The following HIKESHI variants were observed in gnomAD, a reference collection of about 807,000 sequenced individuals.
The protein encoded by HIKESHI is heat shock protein nuclear import factor hikeshi.
A neutral mutation model predicts 25.7 loss-of-function variants in HIKESHI; 13 were observed. That is an observed-to-expected ratio of 0.51 (90% CI 0.33 to 0.80). The LOEUF is 0.80. Ranked by LOEUF, HIKESHI falls within the 30% of genes least tolerant of loss-of-function variation. The pLI is 0.02. For missense variants in HIKESHI, 174 were observed against 229.5 expected (o/e 0.76, Z 1.56); for synonymous variants, 76 against 78.7 (o/e 0.97, Z 0.18).
rs576163845 is a variant in HIKESHI, at chr11:86,319,823, T to TG, written c.268+13343dup. Among the ~76,000 whole-genome samples the TG allele has an allele frequency of 1.7e-3, 263 of 152,268 alleles. 1 individual carries two copies. The highest frequency in any genetic ancestry group is 6.3e-3 in the African/African-American group (260 of 41,560). On this transcript the variant is annotated intron_variant, in intron 2 of 4. Coordinates refer to ENST00000278483, the MANE Select transcript of HIKESHI (RefSeq NM_016401.4). ...GTTTTGGCAGGATTCTTATAGGTGGTGGTGTGTTTTTCCACCAGGAAGTAC... is the reference window on the plus strand; with the variant it reads ...GTTTTGGCAGGATTCTTATAGGTGGTGGGTGTGTTTTTCCACCAGGAAGTAC...
intron 2 of HIKESHI, among the ~76,000 whole-genome samples, chr11:86,321,672 G>C (rs887734181): frequency 6.6e-6 from 1 of 152,036 alleles, no homozygotes; most frequent in African/African-American, 2.4e-5. Context: ...TGGAATTATA[G>C]GCACCCGCCA....
intron 2 of HIKESHI, among the ~76,000 whole-genome samples, chr11:86,328,539 G>C (rs1326597077): frequency 6.6e-6 from 1 of 151,616 alleles, no homozygotes; most frequent in African/African-American, 2.4e-5. Flanking sequence ...CTGCCTCCCA[G>C]GTTCAAGCAA....
intron 4 of HIKESHI, 172 bp downstream of exon 4, chr11:86,344,893 C>T (rs1234785689): frequency 3.9e-6 from 2 of 517,682 alleles, no homozygotes; most frequent in African/African-American, 2.0e-5. Flanking sequence ...AGTTCTTACC[C>T]TAAATATTTT....
chr11:86,316,301 C>T (rs1946976131), intron 2 of HIKESHI, among the ~76,000 whole-genome samples: 1 of 150,896 alleles, frequency 6.6e-6, no homozygotes, highest in African/African-American at 2.4e-5. Context: ...ACTTTAAGGT[C>T]AGAAGTTCAA....
chr11:86,314,612 T>G (rs941540233), intron 2 of HIKESHI, among the ~76,000 whole-genome samples: 2 of 151,832 alleles, frequency 1.3e-5, no homozygotes, highest in Admixed American at 1.3e-4. Flanking sequence ...CAGAGTGAGA[T>G]TCCATCTCAA....
intron 2 of HIKESHI, among the ~76,000 whole-genome samples, chr11:86,328,084 T>A (rs1947328832): frequency 1.3e-5 from 2 of 152,176 alleles, no homozygotes; most frequent in East Asian, 3.8e-4. Flanking sequence ...TGAAAGGCCC[T>A]AAAATAATTA....
At chr11:86,333,951 C>CA (rs35600725) in intron 2 of HIKESHI, among the ~76,000 whole-genome samples, 1 of 151,576 alleles carries the variant, frequency 6.6e-6, no homozygotes, top group Non-Finnish European at 1.5e-5. Flanking sequence ...ATGTAGATGC[C>CA]AAAAAAAGAA....
intron 2 of HIKESHI, among the ~76,000 whole-genome samples, chr11:86,329,445 A>G (rs996173275): frequency 6.6e-6 from 1 of 152,136 alleles, no homozygotes; most frequent in Non-Finnish European, 1.5e-5. Flanking sequence ...AGGAAAGGGT[A>G]TGATATATAT....
Position 86,337,516 on chromosome 11 carries a change from GA to G in HIKESHI, c.407del (p.Asp136AlafsTer28). On this transcript the variant is annotated frameshift_variant, in exon 3 of 5. Coordinates refer to ENST00000278483, the MANE Select transcript of HIKESHI (RefSeq NM_016401.4). LOFTEE classifies it high-confidence loss of function. ...PVGNAAVSSV[D>X]SFTQFTQKML... ...AGGTAATGCTGCTGTATCCTCAGTT[GA>G]CTCATTCACTCAGGTAATGCAACAT... is the stretch of plus-strand genomic sequence containing the variant. 1 of 1,612,010 alleles carries G rather than the reference GA, an allele frequency of 6.2e-7. No homozygotes were observed. Among genetic ancestry groups the G allele is most frequent in the African/African-American group, 1.3e-5 (1 of 74,870 alleles).
At chr11:86,314,603 A>C (rs908719555) in intron 2 of HIKESHI, among the ~76,000 whole-genome samples, 1 of 152,164 alleles carries the variant, frequency 6.6e-6, no homozygotes, top group Non-Finnish European at 1.5e-5. Flanking sequence ...CCTGGGTGAC[A>C]GAGTGAGATT....
chr11:86,338,515 G>A (rs759681212), intron 3 of HIKESHI, among the ~76,000 whole-genome samples: 1 of 152,168 alleles, frequency 6.6e-6, no homozygotes, highest in African/African-American at 2.4e-5. Flanking sequence ...GAAATAGAAA[G>A]GACGATCATC....
chr11:86,336,199 C>A (rs566605419), intron 2 of HIKESHI, among the ~76,000 whole-genome samples: 2 of 152,176 alleles, frequency 1.3e-5, no homozygotes, highest in South Asian at 4.1e-4. Context: ...GTTTGAAGAG[C>A]AGACCCTTAG....
rs546367257 is a variant in HIKESHI, at chr11:86,318,076, G to A, written c.268+11594G>A. ...TCCCAGCACTTTGGGAGGCTGAGGC[G>A]GGCGGATCACGAGGTCAGGAGATCA... is the stretch of plus-strand genomic sequence containing the variant. On this transcript the variant is annotated intron_variant, in intron 2 of 4. Coordinates refer to ENST00000278483, the MANE Select transcript of HIKESHI (RefSeq NM_016401.4). Among the ~76,000 whole-genome samples the A allele has an allele frequency of 1.5e-4, 23 of 151,700 alleles. No individual in the cohort carries two copies. In the South Asian group the frequency reaches 3.5e-3, roughly 23 times the overall value.
At chr11:86,333,882 C>T (rs2138393163) in intron 2 of HIKESHI, among the ~76,000 whole-genome samples, 1 of 152,170 alleles carries the variant, frequency 6.6e-6, no homozygotes, top group South Asian at 2.1e-4. Context: ...CATCCTTCAA[C>T]AAATTATGAG....
intron 2 of HIKESHI, among the ~76,000 whole-genome samples, chr11:86,308,203 T>TATAAAATATATATTAC (rs1946721592): frequency 6.7e-5 from 3 of 44,888 alleles, no homozygotes; most frequent in Non-Finnish European, 8.0e-5. Flanking sequence ...ATATATATTA[T>TATAAAATATATATTAC]ATATAAAATA....
In HIKESHI at chr11:86,345,597, C is replaced by A; in HGVS notation, c.553C>A (p.Gln185Lys). 1 of 1,548,440 alleles carries A rather than the reference C, an allele frequency of 6.5e-7. No homozygotes were observed. The highest frequency in any genetic ancestry group is 8.8e-7 in the Non-Finnish European group (1 of 1,135,490). Residue 185 changes from glutamine (Q) to lysine (K), a missense_variant, in exon 5 of 5, where the codon CAA becomes AAA. By Grantham distance (53) the Gln-to-Lys change is moderately conservative (BLOSUM62 1). Coordinates refer to ENST00000278483, the MANE Select transcript of HIKESHI (RefSeq NM_016401.4). ...NVVLKWYENF[Q>K]RRLAQNPLFW... is the part of the protein sequence containing the mutation. ...TTTCTTTTCTAGGTATGAAAACTTT[C>A]AAAGACGACTAGCACAGAACCCTCT...
At chr11:86,322,383 A>G (rs992722417) in intron 2 of HIKESHI, among the ~76,000 whole-genome samples, 1 of 152,038 alleles carries the variant, frequency 6.6e-6, no homozygotes, top group East Asian at 1.9e-4. Flanking sequence ...GTTTTCTTAA[A>G]GTTGTTTTAA....
chr11:86,335,864 G>T (rs1271930843), intron 2 of HIKESHI, among the ~76,000 whole-genome samples: 1 of 152,146 alleles, frequency 6.6e-6, no homozygotes, highest in South Asian at 2.1e-4. Flanking sequence ...AAAATGTCCA[G>T]TTTTCTACAA....
At chr11:86,318,234 A>G (rs1322529500) in intron 2 of HIKESHI, among the ~76,000 whole-genome samples, 1 of 138,470 alleles carries the variant, frequency 7.2e-6, no homozygotes, top group Non-Finnish European at 1.5e-5. Context: ...AACCCGGGAG[A>G]CGGAGCTTGC....
Sources: allele counts gnomAD v4.1 joint callset (sites outside exome capture counted in the v4.1 genomes callset), GRCh38; gene constraint gnomAD v4.1.1; transcripts MANE v1.5; gene names NCBI Gene and HGNC (gene_info 2026-07-23, HGNC 2026-07-21).